NALF1: variants seen among roughly 807,000 people sequenced by gnomAD.
NALF1 encodes family with sequence similarity 155 member A.
Under a neutral mutation model 48.4 loss-of-function variants are expected in NALF1, and 3 were observed. The observed-to-expected ratio is 0.06, with a 90% CI of 0.03 to 0.16. The LOEUF is 0.16. Among genes scored for constraint, NALF1 ranks in the 10% least tolerant of loss-of-function variants. NALF1 has a pLI of 1.00. For missense variants in NALF1, 526 were observed against 571.5 expected (o/e 0.92, Z 0.81); for synonymous variants, 262 against 245.7 (o/e 1.07, Z -0.62).
At chr13:107,303,739 T>A (rs1881881881) in intron 1 of NALF1, among the ~76,000 whole-genome samples, 1 of 151,534 alleles carries the variant, frequency 6.6e-6, no homozygotes, top group African/African-American at 2.4e-5. Flanking sequence ...TCAAGAAAAT[T>A]TTTTTTTAAT....
At chr13:107,251,980 G>A (rs2138845137) in intron 1 of NALF1, among the ~76,000 whole-genome samples, 1 of 152,300 alleles carries the variant, frequency 6.6e-6, no homozygotes, top group African/African-American at 2.4e-5. Flanking sequence ...CTGACCCCAA[G>A]TCCTCCTTCC....
rs112983073 is a variant in NALF1 at position 107,786,832 on chromosome 13, C to T, written c.915+78850G>A. On this transcript the variant is annotated intron_variant, in intron 1 of 2. Transcript: ENST00000375915. The stretch of plus-strand genomic sequence containing the variant: ...CCTTCCAAGGCAATCACTTTTCTCG[C>T]CAAAATGACTATGAAACTCACTGAA... 5.4e-3 allele frequency among the ~76,000 whole-genome samples: 824 copies of T among 152,294 alleles called. 11 individuals carry two copies. Among genetic ancestry groups the T allele is most frequent in the African/African-American group, 0.019 (779 of 41,552 alleles).
intron 1 of NALF1, among the ~76,000 whole-genome samples, chr13:107,443,170 A>T (rs1288442539): frequency 3.0e-5 from 1 of 33,374 alleles, no homozygotes; most frequent in Non-Finnish European, 6.6e-5. Context: ...TTATCTAACA[A>T]TCTATCTATC....
chr13:107,341,870 T>A (rs1882688576), intron 1 of NALF1, among the ~76,000 whole-genome samples: 1 of 139,318 alleles, frequency 7.2e-6, no homozygotes, highest in African/African-American at 2.8e-5. Context: ...AAACTATATT[T>A]GCACATGCAA....
At chr13:107,485,756 G>T (rs926324072) in intron 1 of NALF1, among the ~76,000 whole-genome samples, 1 of 152,138 alleles carries the variant, frequency 6.6e-6, no homozygotes, top group Admixed American at 6.6e-5. Flanking sequence ...TTTGCACTAT[G>T]TTGCTACCTA....
chr13:107,799,312 T>A (rs565225695), intron 1 of NALF1, among the ~76,000 whole-genome samples: 1 of 152,324 alleles, frequency 6.6e-6, no homozygotes, highest in South Asian at 2.1e-4. Flanking sequence ...GCTCCTTTTA[T>A]GAGGCTGGCT....
intron 1 of NALF1, among the ~76,000 whole-genome samples, chr13:107,588,698 A>G (rs1389482874): frequency 1.3e-5 from 2 of 152,124 alleles, no homozygotes; most frequent in Non-Finnish European, 2.9e-5. Flanking sequence ...TTGACTGTGC[A>G]GAAAAATATC....
chr13:107,247,108 T>C (rs930251345), intron 1 of NALF1, among the ~76,000 whole-genome samples: 4 of 152,182 alleles, frequency 2.6e-5, no homozygotes, highest in African/African-American at 4.8e-5. Context: ...TTAATTAGCT[T>C]GGCCTTTTTA....
chr13:107,351,906 C>A (rs9555347), intron 1 of NALF1, among the ~76,000 whole-genome samples: 1 of 151,980 alleles, frequency 6.6e-6, no homozygotes, highest in Non-Finnish European at 1.5e-5. Context: ...AAACCAGAAG[C>A]GGGCACTTCA....
At chr13:107,487,177 T>C (rs1388502560) in intron 1 of NALF1, among the ~76,000 whole-genome samples, 3 of 152,244 alleles carry the variant, frequency 2.0e-5, no homozygotes, top group South Asian at 2.1e-4. Flanking sequence ...CCACAACACA[T>C]ACAATGTCTT....
intron 1 of NALF1, among the ~76,000 whole-genome samples, chr13:107,786,427 A>AG: frequency 6.8e-6 from 1 of 146,298 alleles, no homozygotes; most frequent in East Asian, 2.0e-4. Context: ...AAAAAAAAAA[A>AG]AAAAAAAAAA....
chr13:107,862,085 G>T (rs972642585), intron 1 of NALF1, among the ~76,000 whole-genome samples: 1 of 152,082 alleles, frequency 6.6e-6, no homozygotes, highest in Non-Finnish European at 1.5e-5. Context: ...TATACTGAGA[G>T]AACTAAAGTA....
chr13:107,311,721 C>T (rs1243982928), intron 1 of NALF1, among the ~76,000 whole-genome samples: 1 of 151,712 alleles, frequency 6.6e-6, no homozygotes, highest in Non-Finnish European at 1.5e-5. Flanking sequence ...AACAAATTTA[C>T]AAGAAAAAAA....
chr13:107,807,311 A>T (rs1403684861), intron 1 of NALF1, among the ~76,000 whole-genome samples: 1 of 152,208 alleles, frequency 6.6e-6, no homozygotes, highest in Non-Finnish European at 1.5e-5. Flanking sequence ...GCATTTTTGT[A>T]TAATATTACT....
chr13:107,339,637 T>C lies in NALF1; in HGVS notation c.916-128882A>G, dbSNP rs543364556. 2.6e-4 allele frequency among the ~76,000 whole-genome samples: 40 copies of C among 152,300 alleles called. 1 individual carries two copies. In the South Asian group the frequency reaches 8.3e-3, roughly 32 times the overall value. On this transcript the variant is annotated intron_variant, in intron 1 of 2. Coordinates refer to ENST00000375915, the MANE Select transcript of NALF1 (RefSeq NM_001080396.3). ...AGGAGCACTGGCACAGCGTCCCATATGCACATTTTGGAGAACTGAAGGGTT... is the reference window on the plus strand; with the variant it reads ...AGGAGCACTGGCACAGCGTCCCATACGCACATTTTGGAGAACTGAAGGGTT...
intron 1 of NALF1, among the ~76,000 whole-genome samples, chr13:107,235,710 G>A (rs533580963): frequency 4.6e-5 from 7 of 152,236 alleles, no homozygotes; most frequent in African/African-American, 1.4e-4. Flanking sequence ...GGAACCCATC[G>A]ATACAGAGGG....
intron 1 of NALF1, among the ~76,000 whole-genome samples, chr13:107,489,626 T>C (rs1366465784): frequency 6.6e-6 from 1 of 152,080 alleles, no homozygotes; most frequent in South Asian, 2.1e-4. Context: ...TAACTCCAGA[T>C]GGATTAAAGG....
chr13:107,309,507 C>T (rs547612918), intron 1 of NALF1, among the ~76,000 whole-genome samples: 5 of 152,242 alleles, frequency 3.3e-5, no homozygotes, highest in African/African-American at 4.8e-5. Context: ...TTATTTGATT[C>T]GGGAAAGTGT....
chr13:107,259,695 T>C (rs1203475726), intron 1 of NALF1, among the ~76,000 whole-genome samples: 1 of 152,208 alleles, frequency 6.6e-6, no homozygotes, highest in African/African-American at 2.4e-5. Context: ...TTTCCAATGT[T>C]TTTATTAAGG....
Sources: allele counts gnomAD v4.1 joint callset (sites outside exome capture counted in the v4.1 genomes callset), GRCh38; gene constraint gnomAD v4.1.1; transcripts MANE v1.5; gene names NCBI Gene and HGNC (gene_info 2026-07-23, HGNC 2026-07-21).